BRWD1: variants seen among roughly 807,000 people sequenced by gnomAD.
BRWD1 encodes the protein bromodomain and WD repeat-containing protein 1.
In BRWD1, 82 loss-of-function variants were observed where a neutral mutation model predicts 251.2. The ratio of observed to expected loss-of-function variants is 0.33; its 90% CI spans 0.27 to 0.39. The LOEUF (loss-of-function observed/expected upper bound fraction) is 0.39. Ranked by LOEUF, BRWD1 falls within the 10% of genes least tolerant of loss-of-function variation. BRWD1 has a pLI of 1.00. For missense variants in BRWD1, 2,233 were observed against 2,711.6 expected, an observed-to-expected ratio of 0.82 and a Z score of 3.92; for synonymous variants, 918 against 902.8, an observed-to-expected ratio of 1.02 and a Z score of -0.30.
At chr21:39,278,250 A>G (rs1430793351) in intron 10 of BRWD1, among the ~76,000 whole-genome samples, 1 of 152,200 alleles carries the variant, frequency 6.6e-6, no homozygotes, top group Non-Finnish European at 1.5e-5. Flanking sequence ...AAACAATTCT[A>G]CATACCTAAC....
intron 8 of BRWD1, among the ~76,000 whole-genome samples, chr21:39,292,791 A>C (rs2035853620): frequency 1.3e-5 from 2 of 152,206 alleles, no homozygotes; most frequent in African/African-American, 4.8e-5. Context: ...TTATATTTTA[A>C]GTTTCTTTTA....
Position 39,200,248 on chromosome 21 carries a change from G to A in BRWD1, c.4724C>T (p.Thr1575Ile), listed in dbSNP as rs774119502. The A allele has an allele frequency of 6.2e-7, 1 of 1,613,518 alleles. No homozygotes were observed. Among genetic ancestry groups the A allele is most frequent in the Non-Finnish European group, 8.5e-7 (1 of 1,179,804 alleles). The change falls in exon 39 of 41, where the codon ACC becomes ATC. Residue 1575 changes from threonine to isoleucine, a missense_variant. Physicochemically the swap from Thr to Ile is moderately conservative, Grantham distance 89 (BLOSUM62 -1). Transcript: ENST00000342449. ...TTTTCTTTGAGCAGCTCTAGTTCTG[G>A]TTACCCTGAGATTGCTGCTTCTGGA... ...GLSRSSNLRVTRTRAAQRKTG... is the reference protein window; with the variant it reads ...GLSRSSNLRVIRTRAAQRKTG...
At chr21:39,257,408 G>A (rs2034594573) in intron 18 of BRWD1, among the ~76,000 whole-genome samples, 1 of 152,108 alleles carries the variant, frequency 6.6e-6, no homozygotes, top group South Asian at 2.1e-4. Flanking sequence ...GAAATAATTA[G>A]ACAAATCTAA....
intron 32 of BRWD1, among the ~76,000 whole-genome samples, chr21:39,214,416 C>G (rs1381896692): frequency 6.6e-6 from 1 of 151,932 alleles, no homozygotes; most frequent in Non-Finnish European, 1.5e-5. Flanking sequence ...TAAATATACT[C>G]TATAAAATAA....
intron 19 of BRWD1, among the ~76,000 whole-genome samples, chr21:39,255,240 GTC>G (rs2034523673): frequency 6.6e-6 from 1 of 151,940 alleles, no homozygotes; most frequent in African/African-American, 2.4e-5. Context: ...GTGAAACCCT[GTC>G]TCTACTAAAA....
chr21:39,280,104 C>T, intron 9 of BRWD1, 44 bp downstream of exon 9: 5 of 1,360,388 alleles, frequency 3.7e-6, no homozygotes, highest in Non-Finnish European at 5.1e-6. Flanking sequence ...TAAACTGTAA[C>T]TACATTAAAA....
Position 39,258,600 on chromosome 21 carries a change from C to T in BRWD1, c.1958G>A (p.Ser653Asn). The T allele has an allele frequency of 6.2e-7, 1 of 1,613,378 alleles. No individual in the cohort carries two copies. The highest frequency in any genetic ancestry group is 8.5e-7 in the Non-Finnish European group (1 of 1,179,618). The stretch of plus-strand genomic sequence containing the variant: ...CTGTCTTATCATTCCATCAAGAATA[C>T]TCGATTCTGGGCTGCGTTCATCATT... ...NDNDERSPES[S>N]ILDGMIRQLQ... The change falls in exon 18 of 41, where the codon AGT (serine) becomes AAT (asparagine). Residue 653 changes from serine (S) to asparagine (N), a missense_variant. This residue lies in a region of BRWD1 where 73 missense variants were observed against 68.1 expected (regional missense o/e 1.07). Transcript: ENST00000342449.
Position 39,313,335 on chromosome 21 carries a change from G to A in BRWD1, c.50-36C>T, listed in dbSNP as rs760104192. The A allele has an allele frequency of 3.4e-5, 52 of 1,510,608 alleles. 1 individual carries two copies. Among genetic ancestry groups the A allele is most frequent in the South Asian group, 1.1e-4 (9 of 83,018 alleles). The allele number at this position is 1,510,608 out of a possible 1,614,324, so 93.6% of individuals were successfully genotyped here. A position where few individuals can be genotyped will look rare whatever the true frequency, so the allele number is the denominator to read the frequency against. On this transcript the variant is annotated intron_variant, in intron 1 of 40. Coordinates refer to ENST00000342449, the MANE Select transcript of BRWD1 (RefSeq NM_033656.4). The stretch of plus-strand genomic sequence containing the variant: ...ACAAGGAGTCAGGTCAAGCCCCGGC[G>A]GGGAGGGGAGGGGGACGGGGCCAGG...
At chr21:39,220,268 A>ACT (rs1420790030) in intron 29 of BRWD1, among the ~76,000 whole-genome samples, 1 of 152,172 alleles carries the variant, frequency 6.6e-6, no homozygotes, top group Non-Finnish European at 1.5e-5. Context: ...GAACCAAATG[A>ACT]AAGTTCTGTG....
At position 39,247,766 on chromosome 21, in the gene BRWD1, C is replaced by T. The variant is rs1368026723; in HGVS notation, c.2416G>A (p.Gly806Ser). 2 of 1,613,388 alleles carry T rather than the reference C, an allele frequency of 1.2e-6. No individual in the cohort carries two copies. The highest frequency in any genetic ancestry group is 2.7e-5 in the African/African-American group (2 of 74,862). The change falls in exon 21 of 41, where the codon GGT (glycine) becomes AGT (serine). Residue 806 changes from glycine to serine, a missense_variant. This residue lies in a region of BRWD1 where 214 missense variants were observed against 222.0 expected (regional missense o/e 0.96). Transcript: ENST00000342449. ...TCACGCCAGCTACGATTTCTTCTACCATAATTTGGATATTTACGCCTACAT... is the reference window on the plus strand; with the variant it reads ...TCACGCCAGCTACGATTTCTTCTACTATAATTTGGATATTTACGCCTACAT... ...RTCRRKYPNY[G>S]RRNRSWRELS...
At chr21:39,285,924 C>T (rs1482395925) in intron 8 of BRWD1, among the ~76,000 whole-genome samples, 1 of 149,280 alleles carries the variant, frequency 6.7e-6, no homozygotes, top group Non-Finnish European at 1.5e-5. Flanking sequence ...GTTAGCTGTC[C>T]TGAACTGTTA....
intron 4 of BRWD1, among the ~76,000 whole-genome samples, chr21:39,300,129 T>C (rs1198114996): frequency 1.3e-5 from 2 of 152,126 alleles, no homozygotes; most frequent in Admixed American, 6.5e-5. Context: ...GCATGACTGA[T>C]TAGAATCCTA....
rs1040787200 is a variant in BRWD1 at position 39,190,604 on chromosome 21, T to C, written c.*5655A>G. 8.1e-6 allele frequency: 8 copies of C among 985,258 alleles called. No individual in the cohort carries two copies. In the African/African-American group the frequency reaches 1.4e-4, roughly 17 times the overall value. 61.0% of individuals were successfully genotyped at this position (985,258 alleles called of 1,614,324 possible). Reference sequence around the variant, plus strand: ...CTCTCCTCTGTCTGCCCTTCATTGATAAGCAATGAAATGACCCCAAAACTC... The same window carrying C: ...CTCTCCTCTGTCTGCCCTTCATTGACAAGCAATGAAATGACCCCAAAACTC... On this transcript the variant is annotated 3_prime_UTR_variant, in exon 41 of 41. Transcript: ENST00000342449.
intron 21 of BRWD1, among the ~76,000 whole-genome samples, chr21:39,247,026 C>T (rs1023367341): frequency 2.0e-5 from 3 of 151,420 alleles, no homozygotes; most frequent in East Asian, 1.9e-4. Context: ...TGCAGTGAGC[C>T]GAGATCGCGC....
chr21:39,284,436 C>A (rs542640914), intron 8 of BRWD1, among the ~76,000 whole-genome samples: 2 of 152,318 alleles, frequency 1.3e-5, no homozygotes, highest in South Asian at 4.1e-4. Flanking sequence ...TATGATTACA[C>A]CACTGCACTC....
intron 35 of BRWD1, 151 bp from the exon 36 acceptor site, chr21:39,210,298 T>C: frequency 3.1e-6 from 2 of 653,204 alleles, no homozygotes; most frequent in Non-Finnish European, 5.0e-6. Context: ...AAAAGAGGTA[T>C]AAAAACAAAG....
At chr21:39,209,853 T>G (rs1464950260) in intron 36 of BRWD1, 142 bp downstream of exon 36, 2 of 788,540 alleles carry the variant, frequency 2.5e-6, no homozygotes, top group East Asian at 2.9e-5. Context: ...TTCTTTATAA[T>G]AGTCTTAATT....
Position 39,197,003 on chromosome 21 carries a change from A to G in BRWD1, c.6066T>C (p.Asp2022=), listed in dbSNP as rs375639227. ...QALNGDSDSE[D]MLNSEHKHRH... is the part of the protein sequence containing the mutation. ...TGTGCTTGTGTTCTGAATTCAACAT[A>G]TCTTCAGAGTCTGAGTCTCCATTTA... Residue 2022 remains aspartate, a synonymous_variant, in exon 41 of 41, where the codon GAT becomes GAC. Coordinates refer to ENST00000342449, the MANE Select transcript of BRWD1 (RefSeq NM_033656.4). 3.7e-6 allele frequency: 6 copies of G among 1,614,070 alleles called. No individual in the cohort carries two copies. Among genetic ancestry groups the G allele is most frequent in the Non-Finnish European group, 4.2e-6 (5 of 1,179,952 alleles).
intron 12 of BRWD1, 99 bp from the exon 13 acceptor site, chr21:39,274,571 C>T (rs540900363): frequency 1.1e-6 from 1 of 946,624 alleles, no homozygotes; most frequent in East Asian, 2.5e-5. Context: ...TGAAGCTGTC[C>T]TAACAACAGG....
Sources: allele counts gnomAD v4.1 joint callset (sites outside exome capture counted in the v4.1 genomes callset), GRCh38; gene constraint gnomAD v4.1.1; regional missense constraint gnomAD v4.1.1; transcripts MANE v1.5; gene names NCBI Gene and HGNC (gene_info 2026-07-23, HGNC 2026-07-21).